Variants in EXOC6B observed in about 807,000 individuals in gnomAD.
The protein encoded by EXOC6B is exocyst complex component 6B, also known as SEC15 homolog B.
A neutral mutation model predicts 113.5 loss-of-function variants in EXOC6B; 54 were observed. That is an observed-to-expected ratio of 0.48 (90% CI 0.38 to 0.60). EXOC6B has a LOEUF of 0.60. Ranked by LOEUF, EXOC6B falls within the 20% of genes least tolerant of loss-of-function variation. The probability of loss-of-function intolerance (pLI) is 0.00; values close to 1 mark genes in which losing one functional copy is unlikely to be tolerated. For missense variants in EXOC6B, 797 were observed against 977.5 expected, an observed-to-expected ratio of 0.82 and a Z score of 2.46; for synonymous variants, 357 against 339.0, an observed-to-expected ratio of 1.05 and a Z score of -0.58.
At chr2:72,474,542 T>C (rs1573207964) in intron 17 of EXOC6B, among the ~76,000 whole-genome samples, 1 of 152,026 alleles carries the variant, frequency 6.6e-6, no homozygotes, top group East Asian at 1.9e-4. Flanking sequence ...TAGTCTACTG[T>C]TGAAGATTTT....
intron 6 of EXOC6B, among the ~76,000 whole-genome samples, chr2:72,711,356 G>A (rs1679261728): frequency 6.6e-6 from 1 of 152,112 alleles, no homozygotes; most frequent in Admixed American, 6.5e-5. Flanking sequence ...CTACATGTAT[G>A]TCCACTAAAT....
At chr2:72,464,250 A>C (rs2105414228) in intron 18 of EXOC6B, 1 of 152,314 alleles carries the variant, frequency 6.6e-6, no homozygotes, top group Non-Finnish European at 1.5e-5. Context: ...CCTTCTCAAG[A>C]CATTTACCAG....
intron 18 of EXOC6B, among the ~76,000 whole-genome samples, chr2:72,457,789 A>G (rs1054799344): frequency 2.0e-5 from 3 of 152,152 alleles, no homozygotes; most frequent in Non-Finnish European, 4.4e-5. Context: ...AAATATTATT[A>G]TAATCATTTC....
At chr2:72,775,401 A>G (rs931203033) in intron 1 of EXOC6B, among the ~76,000 whole-genome samples, 1 of 152,156 alleles carries the variant, frequency 6.6e-6, no homozygotes, top group Non-Finnish European at 1.5e-5. Context: ...ACAAAACATA[A>G]ACCTATGGCC....
At chr2:72,761,464 C>T (rs1160506579) in intron 1 of EXOC6B, among the ~76,000 whole-genome samples, 1 of 152,122 alleles carries the variant, frequency 6.6e-6, no homozygotes, top group African/African-American at 2.4e-5. Context: ...CACATTCTAG[C>T]TCTCCAATTT....
chr2:72,313,868 A>G (rs760380448), intron 20 of EXOC6B, among the ~76,000 whole-genome samples: 2 of 152,216 alleles, frequency 1.3e-5, no homozygotes, highest in Non-Finnish European at 2.9e-5. Flanking sequence ...AGATTTAGCA[A>G]TTAAATACTA....
intron 7 of EXOC6B, among the ~76,000 whole-genome samples, chr2:72,569,235 A>C (rs970809393): frequency 6.6e-6 from 1 of 152,162 alleles, no homozygotes; most frequent in Non-Finnish European, 1.5e-5. Flanking sequence ...ATTGGGATTA[A>C]GTGATGGATG....
intron 6 of EXOC6B, among the ~76,000 whole-genome samples, chr2:72,581,884 G>T (rs1375110623): frequency 6.6e-6 from 1 of 152,100 alleles, no homozygotes. Context: ...AACCCCCAGG[G>T]CAAAGCTGGG....
chr2:72,432,004 C>T (rs1695563296), intron 18 of EXOC6B, among the ~76,000 whole-genome samples: 1 of 152,108 alleles, frequency 6.6e-6, no homozygotes, highest in Non-Finnish European at 1.5e-5. Flanking sequence ...CATAGTATTA[C>T]ATGGTGTATA....
rs139695116 is a variant in EXOC6B, at chr2:72,771,187, G to A, written c.114-29718C>T. Among the ~76,000 whole-genome samples, 642 of 152,074 alleles carry A rather than the reference G, an allele frequency of 4.2e-3. 5 individuals carry two copies. Among genetic ancestry groups the A allele is most frequent in the African/African-American group, 0.015 (617 of 41,476 alleles). On this transcript the variant is annotated intron_variant, in intron 1 of 21. Transcript: ENST00000272427. The stretch of plus-strand genomic sequence containing the variant: ...TCATCACAAGCACAATAAAACACTC[G>A]CCAATTAATTTGTAAAAATTGCTTC...
At chr2:72,237,602 A>G (rs1221392031) in intron 20 of EXOC6B, among the ~76,000 whole-genome samples, 1 of 152,180 alleles carries the variant, frequency 6.6e-6, no homozygotes, top group Non-Finnish European at 1.5e-5. Flanking sequence ...GTGAATTTAA[A>G]TGTGTTACAG....
intron 19 of EXOC6B, among the ~76,000 whole-genome samples, chr2:72,349,828 T>C (rs1689544356): frequency 6.6e-6 from 1 of 152,124 alleles, no homozygotes; most frequent in Non-Finnish European, 1.5e-5. Flanking sequence ...TAGTCTGTGG[T>C]TGGCTAGGCA....
chr2:72,486,129 G>A (rs1699408472), intron 16 of EXOC6B, among the ~76,000 whole-genome samples: 1 of 152,148 alleles, frequency 6.6e-6, no homozygotes, highest in African/African-American at 2.4e-5. Context: ...CAGCACTTTG[G>A]GAGGCTGAGG....
chr2:72,534,633 A>G (rs1408017302), intron 8 of EXOC6B, among the ~76,000 whole-genome samples: 1 of 152,146 alleles, frequency 6.6e-6, no homozygotes, highest in Non-Finnish European at 1.5e-5. Flanking sequence ...GATTCGTCAT[A>G]CCTAGTATGT....
At chr2:72,798,776 T>TGG (rs1196328772) in intron 1 of EXOC6B, among the ~76,000 whole-genome samples, 2 of 152,092 alleles carry the variant, frequency 1.3e-5, no homozygotes, top group Non-Finnish European at 2.9e-5. Context: ...GAAGATGATA[T>TGG]GTATCACACA....
At chr2:72,752,057 T>C (rs760649405) in intron 1 of EXOC6B, among the ~76,000 whole-genome samples, 1 of 152,108 alleles carries the variant, frequency 6.6e-6, no homozygotes, top group Non-Finnish European at 1.5e-5. Flanking sequence ...TGCAAACTTT[T>C]GGTATGTCTT....
In EXOC6B at chr2:72,255,402, A is replaced by T. The variant is rs186381723; in HGVS notation, c.2197-71215T>A. The stretch of plus-strand genomic sequence containing the variant: ...TACTACCCTTTAAGAAAAGGAAAGG[A>T]TGACTTCTAGGTCAGAGCCATGGGT... On this transcript the variant is annotated intron_variant, in intron 20 of 21. Transcript: ENST00000272427. Among the ~76,000 whole-genome samples the T allele has an allele frequency of 2.6e-5, 4 of 152,352 alleles. No homozygotes were observed. In the East Asian group the frequency reaches 5.8e-4, roughly 22 times the overall value.
chr2:72,551,292 G>T (rs1703206659), intron 8 of EXOC6B, among the ~76,000 whole-genome samples: 1 of 151,570 alleles, frequency 6.6e-6, no homozygotes, highest in Admixed American at 6.6e-5. Flanking sequence ...CCGCATCCCG[G>T]GTTCAAGCGA....
chr2:72,764,364 CTTTTT>C (rs397869115), intron 1 of EXOC6B, among the ~76,000 whole-genome samples: 3 of 66,812 alleles, frequency 4.5e-5, no homozygotes, highest in African/African-American at 1.6e-4. Context: ...TATTTTCTCT[CTTTTT>C]TTTTTTTTTT....
Sources: allele counts gnomAD v4.1 joint callset (sites outside exome capture counted in the v4.1 genomes callset), GRCh38; gene constraint gnomAD v4.1.1; transcripts MANE v1.5; gene names NCBI Gene and HGNC (gene_info 2026-07-23, HGNC 2026-07-21).